Variants in OPN3 observed in about 807,000 individuals in gnomAD.
OPN3 encodes the protein opsin-3.
Under a neutral mutation model 33.8 loss-of-function variants are expected in OPN3, and 29 were observed. The ratio of observed to expected loss-of-function variants is 0.86; its 90% CI spans 0.64 to 1.17. OPN3 has a LOEUF of 1.17. Ranked by LOEUF, OPN3 falls within the 50% of genes most tolerant of loss-of-function variation. The pLI is 0.00. For missense variants in OPN3, 437 were observed against 514.1 expected (o/e 0.85, Z 1.45); for synonymous variants, 216 against 216.1 (o/e 1.00, Z 0.00).
At chr1:241,605,119 C>T (rs1206976956) in intron 1 of OPN3, among the ~76,000 whole-genome samples, 2 of 150,574 alleles carry the variant, frequency 1.3e-5, no homozygotes, top group East Asian at 3.9e-4. Flanking sequence ...AAAGATTAGA[C>T]AAAAATTAAA....
chr1:241,610,369 T>C (rs1663957506), intron 1 of OPN3, among the ~76,000 whole-genome samples: 3 of 152,330 alleles, frequency 2.0e-5, no homozygotes, highest in Middle Eastern at 3.4e-3. Context: ...GAGGAAGTAC[T>C]TATCTCTGCC....
At chr1:241,618,834 ATC>A (rs1240596238) in intron 1 of OPN3, among the ~76,000 whole-genome samples, 2 of 63,104 alleles carry the variant, frequency 3.2e-5, no homozygotes, top group Non-Finnish European at 5.3e-5. Flanking sequence ...TTCTCATTGT[ATC>A]TTTTTTTTTT....
At chr1:241,600,635 T>C (rs1663654694) in intron 2 of OPN3, 1 of 152,190 alleles carries the variant, frequency 6.6e-6, no homozygotes. Context: ...TCTCCATCGT[T>C]GTTATGAGTC....
intron 1 of OPN3, among the ~76,000 whole-genome samples, chr1:241,625,772 A>G (rs1399097601): frequency 1.3e-5 from 2 of 152,036 alleles, no homozygotes; most frequent in Non-Finnish European, 2.9e-5. Context: ...AAGAAAGCAG[A>G]CTCCTTATGA....
chr1:241,595,890 T>G (rs1663492611), intron 3 of OPN3, among the ~76,000 whole-genome samples: 1 of 149,754 alleles, frequency 6.7e-6, no homozygotes, highest in South Asian at 2.1e-4. Flanking sequence ...AAATAGAGTA[T>G]GTATGCCAAA....
rs145882594 is a variant in OPN3 at position 241,640,082 on chromosome 1, T to C, written c.173A>G (p.Asn58Ser). 11 of 1,610,308 alleles carry C rather than the reference T, an allele frequency of 6.8e-6. No homozygotes were observed. Among genetic ancestry groups the C allele is most frequent in the Admixed American group, 6.7e-5 (4 of 59,576 alleles). ...LGSIGLLGVG[N>S]NLLVLVLYYK... ...GTAGAGGACGAGCACCAGCAGGTTG[T>C]TGCCGACGCCCAGCAGCCCAATGGA... The change falls in exon 1 of 4, where the codon AAC (asparagine) becomes AGC (serine). Residue 58 changes from asparagine to serine, a missense_variant. Coordinates refer to ENST00000366554, the MANE Select transcript of OPN3 (RefSeq NM_014322.3).
chr1:241,622,093 C>T (rs1053811722), intron 1 of OPN3, among the ~76,000 whole-genome samples: 3 of 152,150 alleles, frequency 2.0e-5, no homozygotes, highest in Non-Finnish European at 4.4e-5. Context: ...GGTTTCATAT[C>T]CTCCACTTTT....
intron 1 of OPN3, among the ~76,000 whole-genome samples, chr1:241,618,741 T>C (rs1280417252): frequency 6.6e-6 from 1 of 152,150 alleles, no homozygotes; most frequent in African/African-American, 2.4e-5. Flanking sequence ...TGGGAATATA[T>C]TTAAGGACCT....
At chr1:241,638,525 T>G (rs144363890) in intron 1 of OPN3, among the ~76,000 whole-genome samples, 1 of 152,322 alleles carries the variant, frequency 6.6e-6, no homozygotes, top group Non-Finnish European at 1.5e-5. Context: ...GGCTTGGGCT[T>G]GAATAACCTT....
intron 1 of OPN3, chr1:241,615,834 C>G (rs1034204129): frequency 2.2e-6 from 1 of 456,534 alleles, no homozygotes; most frequent in African/African-American, 2.0e-5. Flanking sequence ...GCTGCTGCCA[C>G]TGTCACCACC....
intron 1 of OPN3, among the ~76,000 whole-genome samples, chr1:241,625,677 A>C (rs2148016222): frequency 6.6e-6 from 1 of 152,206 alleles, no homozygotes; most frequent in East Asian, 1.9e-4. Context: ...GAACTGGGGG[A>C]TCTATATGGG....
At chr1:241,611,737 G>C (rs114633854) in intron 1 of OPN3, among the ~76,000 whole-genome samples, 273 of 152,328 alleles carry the variant, frequency 1.8e-3, no homozygotes, top group African/African-American at 6.4e-3. Flanking sequence ...CGAGGGCTCT[G>C]AGGAGCCATT....
At chr1:241,598,506 G>A (rs902898031) in intron 2 of OPN3, among the ~76,000 whole-genome samples, 1 of 152,134 alleles carries the variant, frequency 6.6e-6, no homozygotes, top group Non-Finnish European at 1.5e-5. Flanking sequence ...CTGAAAACCA[G>A]CTTTTCAATT....
chr1:241,621,707 G>C (rs1398283546), intron 1 of OPN3, among the ~76,000 whole-genome samples: 1 of 152,132 alleles, frequency 6.6e-6, no homozygotes, highest in Non-Finnish European at 1.5e-5. Flanking sequence ...GAAGTTATAG[G>C]GGAGTGTACG....
At chr1:241,614,244 C>T (rs2148008867) in intron 1 of OPN3, 1 of 145,712 alleles carries the variant, frequency 6.9e-6, no homozygotes, top group Non-Finnish European at 1.5e-5. Context: ...TGTGTCATAG[C>T]TACCCAAATG....
chr1:241,596,295 A>G (rs1262247099), intron 3 of OPN3, among the ~76,000 whole-genome samples: 1 of 152,238 alleles, frequency 6.6e-6, no homozygotes, highest in African/African-American at 2.4e-5. Flanking sequence ...AGAAAAATTC[A>G]TATGTGTGCA....
intron 1 of OPN3, among the ~76,000 whole-genome samples, chr1:241,636,745 GTGT>G (rs1476235275): frequency 2.0e-5 from 3 of 151,410 alleles, no homozygotes; most frequent in Non-Finnish European, 4.4e-5. Flanking sequence ...GGAAAAAAGT[GTGT>G]AAGTGTAAGT....
chr1:241,639,723 T>G (rs1368553506), intron 1 of OPN3, among the ~76,000 whole-genome samples, 159 bp downstream of exon 1: 1 of 127,484 alleles, frequency 7.8e-6, no homozygotes, highest in Non-Finnish European at 1.6e-5. Context: ...CGGGCAGCGT[T>G]GAGGAGGCGA....
chr1:241,623,850 A>T (rs1268452603), intron 1 of OPN3, among the ~76,000 whole-genome samples: 1 of 152,162 alleles, frequency 6.6e-6, no homozygotes, highest in Non-Finnish European at 1.5e-5. Flanking sequence ...CTCCACTGTC[A>T]CCAGGCTAAC....
Sources: gnomAD v4.1 joint callset for allele counts (sites outside exome capture counted in the v4.1 genomes callset) on GRCh38, gnomAD v4.1.1 for gene constraint, MANE v1.5 for transcripts, NCBI Gene and HGNC (gene_info 2026-07-23, HGNC 2026-07-21) for gene names.